Variants in MAST2 observed in about 807,000 individuals in gnomAD.
MAST2 encodes the protein microtubule associated serine/threonine kinase 2.
A neutral mutation model predicts 147.4 loss-of-function variants in MAST2; 70 were observed. The ratio of observed to expected loss-of-function variants is 0.47; its 90% confidence interval spans 0.39 to 0.58. MAST2 has a LOEUF of 0.58. Among genes scored for constraint, MAST2 ranks in the 20% least tolerant of loss-of-function variants. The probability of loss-of-function intolerance (pLI) is 0.00; values close to 1 mark genes in which losing one functional copy is unlikely to be tolerated. For synonymous variants in MAST2, 869 were observed against 896.8 expected (o/e 0.97, Z 0.55); for missense variants, 2,080 against 2,302.3 (o/e 0.90, Z 1.98).
intron 2 of MAST2, among the ~76,000 whole-genome samples, chr1:45,828,644 C>G (rs115693042): frequency 6.6e-6 from 1 of 152,148 alleles, no homozygotes; most frequent in Non-Finnish European, 1.5e-5. Context: ...CATTGCAGGT[C>G]GGGCGTGGTG....
chr1:45,977,426 T>A (rs1644211784), intron 5 of MAST2, among the ~76,000 whole-genome samples: 1 of 151,712 alleles, frequency 6.6e-6, no homozygotes, highest in Admixed American at 6.6e-5. Context: ...AGGTGGAGGT[T>A]GCAATGAGCC....
chr1:45,952,814 G>T (rs927830238), intron 4 of MAST2, among the ~76,000 whole-genome samples: 6 of 152,082 alleles, frequency 3.9e-5, no homozygotes, highest in African/African-American at 1.4e-4. Flanking sequence ...CTATAGAGAA[G>T]ATTTATTACT....
At chr1:45,937,244 T>A (rs980284703) in intron 4 of MAST2, among the ~76,000 whole-genome samples, 19 of 143,800 alleles carry the variant, frequency 1.3e-4, no homozygotes, top group East Asian at 8.4e-4. Flanking sequence ...CTTTTTTTTT[T>A]AATTACAGTC....
At position 45,994,274 on chromosome 1, in the gene MAST2, CTTTTTTTTTT is replaced by C. The variant is rs869216588; in HGVS notation, c.593-3434_593-3425del. ...GCAAGTGGCTCAAAGCCCTAACCCT[CTTTTTTTTTT>C]TTTTTTTTTTTTTTTGAGAAGGAGT... is the stretch of plus-strand genomic sequence containing the variant. On this transcript the variant is annotated intron_variant, in intron 5 of 28. Coordinates refer to ENST00000361297, the MANE Select transcript of MAST2 (RefSeq NM_015112.3). Among the ~76,000 whole-genome samples the C allele has an allele frequency of 4.1e-3, 254 of 62,066 alleles. 4 individuals carry two copies. In the Admixed American group the frequency reaches 0.05, roughly 12 times the overall value. The allele number at this position is 62,066 out of a possible 152,430, so 40.7% of individuals were successfully genotyped here. A position where few individuals can be genotyped will look rare whatever the true frequency, so the allele number is the denominator to read the frequency against.
At chr1:46,014,827 AATAGACATCT>A (rs1309640854) in intron 10 of MAST2, among the ~76,000 whole-genome samples, 1 of 152,194 alleles carries the variant, frequency 6.6e-6, no homozygotes, top group African/African-American at 2.4e-5. Context: ...AAGCGGACCT[AATAGACATCT>A]ACAGAACCCT....
chr1:45,979,089 T>C (rs758231003), intron 5 of MAST2, among the ~76,000 whole-genome samples: 82 of 152,168 alleles, frequency 5.4e-4, no homozygotes, highest in Non-Finnish European at 9.0e-4. Context: ...GGTAAAGCTA[T>C]AAGGAAATGA....
At position 46,030,143 on chromosome 1, in the gene MAST2, T is replaced by A; in HGVS notation, c.2458T>A (p.Tyr820Asn). ...TSYFDTRSERYHHMDSEDEEE... is the reference protein window; with the variant it reads ...TSYFDTRSERNHHMDSEDEEE... The stretch of plus-strand genomic sequence containing the variant: ...GTCTGGCCCAGCCCGCTCAGAGCGA[T>A]ACCACCACATGGACTCGGAGGATGA... Residue 820 changes from tyrosine (Y) to asparagine (N), a missense_variant, in exon 21 of 29, where the codon TAC becomes AAC. Transcript: ENST00000361297. The A allele has an allele frequency of 6.2e-7, 1 of 1,614,232 alleles. No homozygotes were observed. Among genetic ancestry groups the A allele is most frequent in the Non-Finnish European group, 8.5e-7 (1 of 1,180,026 alleles).
intron 7 of MAST2, among the ~76,000 whole-genome samples, chr1:46,004,049 T>G (rs556130348): frequency 1.3e-5 from 2 of 152,228 alleles, no homozygotes; most frequent in East Asian, 3.9e-4. Context: ...CTGTTAAGTT[T>G]AAGATCTTTC....
chr1:45,815,865 A>G (rs1214840302), intron 1 of MAST2, among the ~76,000 whole-genome samples: 1 of 152,170 alleles, frequency 6.6e-6, no homozygotes, highest in Non-Finnish European at 1.5e-5. Flanking sequence ...ATGCCTAACT[A>G]CTGGAGGGCT....
intron 7 of MAST2, among the ~76,000 whole-genome samples, chr1:46,005,378 A>AC (rs1645445729): frequency 6.6e-6 from 1 of 151,396 alleles, no homozygotes; most frequent in Admixed American, 6.6e-5. Flanking sequence ...AAAAAAAAAA[A>AC]CCCCAGATCA....
At chr1:45,941,883 A>G (rs2148805946) in intron 4 of MAST2, among the ~76,000 whole-genome samples, 1 of 152,356 alleles carries the variant, frequency 6.6e-6, no homozygotes, top group Non-Finnish European at 1.5e-5. Flanking sequence ...TTGTAACACA[A>G]TTATGAAGAA....
intron 3 of MAST2, among the ~76,000 whole-genome samples, chr1:45,866,558 A>ATG (rs1380313778): frequency 6.6e-6 from 1 of 152,064 alleles, no homozygotes; most frequent in Non-Finnish European, 1.5e-5. Flanking sequence ...TTTTGTGTTA[A>ATG]ATCATTCATT....
At chr1:45,846,341 C>G (rs576801415) in intron 3 of MAST2, among the ~76,000 whole-genome samples, 3 of 152,264 alleles carry the variant, frequency 2.0e-5, no homozygotes, top group East Asian at 3.9e-4. Context: ...AAACAGGTTA[C>G]TGTCCGTTTC....
intron 3 of MAST2, among the ~76,000 whole-genome samples, chr1:45,858,762 C>A (rs1026173106): frequency 3.3e-5 from 5 of 151,332 alleles, no homozygotes; most frequent in African/African-American, 9.7e-5. Flanking sequence ...ACATTTAAGT[C>A]TTTAATCCAT....
At chr1:45,933,478 G>A (rs759328539) in intron 4 of MAST2, among the ~76,000 whole-genome samples, 3 of 151,220 alleles carry the variant, frequency 2.0e-5, no homozygotes, top group Non-Finnish European at 4.4e-5. Context: ...GGTGGCTCAC[G>A]CCTTTAATCC....
At chr1:45,959,357 T>C in intron 4 of MAST2, 29 bp from the exon 5 acceptor site, 1 of 1,589,522 alleles carries the variant, frequency 6.3e-7, no homozygotes. Flanking sequence ...TGTGGCCCTA[T>C]TATAATTCAT....
intron 1 of MAST2, among the ~76,000 whole-genome samples, chr1:45,820,440 TA>T (rs1644586811): frequency 6.6e-6 from 1 of 152,212 alleles, no homozygotes; most frequent in South Asian, 2.1e-4. Context: ...ATACTAAATT[TA>T]TAACAGTCTA....
chr1:45,979,420 A>C (rs1368115154), intron 5 of MAST2, among the ~76,000 whole-genome samples: 2 of 105,982 alleles, frequency 1.9e-5, no homozygotes, highest in African/African-American at 4.1e-5. Flanking sequence ...ATTTTCTGTC[A>C]GATTTTTTGT....
In MAST2 at chr1:45,904,334, C is replaced by T. The variant is rs763540879; in HGVS notation, c.500+21939C>T. On this transcript the variant is annotated intron_variant, in intron 4 of 28. Coordinates refer to ENST00000361297, the MANE Select transcript of MAST2 (RefSeq NM_015112.3). ...GATTACAGGCGCCTGCCACCATGCC[C>T]GGTTAATTTTTATATTTTTAGTAGA... 5.9e-5 allele frequency among the ~76,000 whole-genome samples: 9 copies of T among 151,928 alleles called. No individual in the cohort carries two copies. In the South Asian group the frequency reaches 6.2e-4, roughly 11 times the overall value.
Sources: gnomAD v4.1 joint callset for allele counts (sites outside exome capture counted in the v4.1 genomes callset) on GRCh38, gnomAD v4.1.1 for gene constraint, MANE v1.5 for transcripts, NCBI Gene and HGNC (gene_info 2026-07-23, HGNC 2026-07-21) for gene names.